EXOC1: variants seen among roughly 807,000 people sequenced by gnomAD.
EXOC1 encodes exocyst complex component 1, also known as SEC3-like 1.
EXOC1 carries 67 observed loss-of-function variants against 107.7 expected under a neutral mutation model. The observed-to-expected ratio is 0.62, with a 90% CI of 0.51 to 0.76. EXOC1 has a LOEUF of 0.76. Among genes scored for constraint, EXOC1 ranks in the 30% least tolerant of loss-of-function variants. The probability of loss-of-function intolerance (pLI) is 0.00; values close to 1 mark genes in which losing one functional copy is unlikely to be tolerated. For missense variants in EXOC1, 833 were observed against 1,055.7 expected (o/e 0.79, Z 2.92); for synonymous variants, 348 against 353.5 (o/e 0.98, Z 0.17).
At chr4:55,904,237 C>G (rs1019065330) in intron 18 of EXOC1, 106 bp from the exon 19 acceptor site, 1 of 1,128,966 alleles carries the variant, frequency 8.9e-7, no homozygotes, top group Non-Finnish European at 1.2e-6. Flanking sequence ...ATGTTCCTAG[C>G]TACTATACTA....
intron 2 of EXOC1, among the ~76,000 whole-genome samples, chr4:55,859,361 G>A (rs1163259424): frequency 6.6e-6 from 1 of 152,030 alleles, no homozygotes; most frequent in Non-Finnish European, 1.5e-5. Context: ...TTACTCCTGA[G>A]TATTGGTTTA....
At chr4:55,864,142 C>T in intron 3 of EXOC1, 85 bp from the exon 4 acceptor site, 1 of 847,846 alleles carries the variant, frequency 1.2e-6, no homozygotes. Flanking sequence ...TTTCCAAAAA[C>T]AGCGTAAATG....
At chr4:55,881,398 T>C (rs973751987) in intron 9 of EXOC1, among the ~76,000 whole-genome samples, 2 of 152,130 alleles carry the variant, frequency 1.3e-5, no homozygotes, top group Non-Finnish European at 2.9e-5. Flanking sequence ...TGTCTTATTG[T>C]TGTGAACCCC....
intron 2 of EXOC1, 75 bp from the exon 3 acceptor site, chr4:55,860,336 A>C (rs141819859): frequency 1.3e-6 from 2 of 1,577,898 alleles, no homozygotes; most frequent in African/African-American, 1.3e-5. Flanking sequence ...CCTGAAAGCT[A>C]TACTTGCAAT....
intron 3 of EXOC1, among the ~76,000 whole-genome samples, chr4:55,862,083 A>G (rs961872581): frequency 6.6e-6 from 1 of 152,202 alleles, no homozygotes; most frequent in South Asian, 2.1e-4. Context: ...AAACTTCTGT[A>G]AGTAATTTTT....
Position 55,902,449 on chromosome 4 carries a change from G to C in EXOC1, c.2443G>C (p.Glu815Gln). The change falls in exon 18 of 19, where the codon GAG (glutamate) becomes CAG (glutamine). Residue 815 changes from glutamate (E) to glutamine (Q), a missense_variant. Glu to Gln is a conservative substitution (Grantham distance 29, BLOSUM62 2). Transcript: ENST00000381295. ...ACAAGAACTTCGTAAAGTCATTAAGGAGTACCCTGGAAAGGAAGTAAAAAA... is the reference window on the plus strand; with the variant it reads ...ACAAGAACTTCGTAAAGTCATTAAGCAGTACCCTGGAAAGGAAGTAAAAAA... Reference protein sequence around the residue: ...NKQELRKVIKEYPGKEVKKGL... With the variant: ...NKQELRKVIKQYPGKEVKKGL... 6.3e-7 allele frequency: 1 copy of C among 1,587,580 alleles called. No homozygotes were observed. Among genetic ancestry groups the C allele is most frequent in the Non-Finnish European group, 8.6e-7 (1 of 1,169,522 alleles).
chr4:55,891,926 T>C (rs1215469462), intron 13 of EXOC1, among the ~76,000 whole-genome samples: 6 of 152,188 alleles, frequency 3.9e-5, no homozygotes, highest in Non-Finnish European at 5.9e-5. Context: ...TCCTCTTCTG[T>C]AAAGTAGATA....
intron 3 of EXOC1, among the ~76,000 whole-genome samples, chr4:55,861,733 T>A (rs1249759537): frequency 6.6e-6 from 1 of 152,188 alleles, no homozygotes; most frequent in Non-Finnish European, 1.5e-5. Flanking sequence ...AGCTAGAGAT[T>A]GGAAAGAAAA....
chr4:55,872,710 A>G (rs1260939165), intron 8 of EXOC1: 1 of 715,610 alleles, frequency 1.4e-6, no homozygotes, highest in Non-Finnish European at 1.7e-6. Flanking sequence ...TTCACTTTGC[A>G]ATATTCTAAA....
chr4:55,877,981 C>G lies in EXOC1; in HGVS notation c.1139C>G (p.Pro380Arg). Residue 380 changes from proline to arginine, a missense_variant, in exon 9 of 19, where the codon CCA becomes CGA. Coordinates refer to ENST00000381295, the MANE Select transcript of EXOC1 (RefSeq NM_001024924.2). ...GAACTGACTTTACCCAATCATCATC[C>G]ATTTCATAGAGATTTGCTCCGATAT... is the stretch of plus-strand genomic sequence containing the variant. ...SVELTLPNHHPFHRDLLRYAK... is the reference protein window; with the variant it reads ...SVELTLPNHHRFHRDLLRYAK... 1 of 1,613,844 alleles carries G rather than the reference C, an allele frequency of 6.2e-7. No individual in the cohort carries two copies. The highest frequency in any genetic ancestry group is 8.5e-7 in the Non-Finnish European group (1 of 1,179,898).
chr4:55,855,895 G>A (rs1720919689), intron 1 of EXOC1, among the ~76,000 whole-genome samples: 1 of 152,188 alleles, frequency 6.6e-6, no homozygotes, highest in South Asian at 2.1e-4. Context: ...AAGCCAAAAG[G>A]AGGAGAGGTT....
At chr4:55,861,648 T>C (rs531817380) in intron 3 of EXOC1, among the ~76,000 whole-genome samples, 14 of 152,376 alleles carry the variant, frequency 9.2e-5, no homozygotes, top group Admixed American at 5.2e-4. Flanking sequence ...ACTGGCCCTT[T>C]GTTTTATCCC....
At chr4:55,878,096 G>A (rs1402012077) in intron 9 of EXOC1, 30 bp downstream of exon 9, 10 of 1,601,710 alleles carry the variant, frequency 6.2e-6, no homozygotes, top group Non-Finnish European at 8.5e-6. Flanking sequence ...TACTCACTGA[G>A]AATAGAGCAT....
chr4:55,894,614 C>CA lies in EXOC1; in HGVS notation c.1953+834_1953+835insA, dbSNP rs1553880116. Among the ~76,000 whole-genome samples, 3 of 76,116 alleles carry CA rather than the reference C, an allele frequency of 3.9e-5. No individual in the cohort carries two copies. In the East Asian group the frequency reaches 1.4e-3, roughly 36 times the overall value. The allele number at this position is 76,116 out of a possible 152,430, so 49.9% of individuals were successfully genotyped here. On this transcript the variant is annotated intron_variant, in intron 15 of 18. Transcript: ENST00000381295. ...TTGACAACTTTCTTACTATCTGTTA[C>CA]TTTTTTTTTTTTTTTTTTTTTTTTT... is the stretch of plus-strand genomic sequence containing the variant.
At chr4:55,875,228 C>T (rs1371522103) in intron 8 of EXOC1, among the ~76,000 whole-genome samples, 2 of 152,164 alleles carry the variant, frequency 1.3e-5, no homozygotes, top group African/African-American at 4.8e-5. Flanking sequence ...AGACCACCAG[C>T]ATTCAATTTC....
At position 55,870,764 on chromosome 4, in the gene EXOC1, G is replaced by C. The variant is rs764903178; in HGVS notation, c.690G>C (p.Gln230His). ...LLDEALKEVD[Q>H]IELKLSSYEE... ...ATGAGGCTCTAAAGGAGGTAGATCA[G>C]ATTGAATTGAAACTGAGCAGTTATG... The change falls in exon 6 of 19, where the codon CAG becomes CAC. Residue 230 changes from glutamine to histidine, a missense_variant. By Grantham distance (24) the Gln-to-His change is conservative. This residue lies in a region of EXOC1 where 617 missense variants were observed against 701.3 expected (regional missense o/e 0.88). Transcript: ENST00000381295. 7 of 1,613,918 alleles carry C rather than the reference G, an allele frequency of 4.3e-6. No homozygotes were observed. The South Asian group carries it at 6.6e-5, about 15-fold the overall frequency.
intron 8 of EXOC1, among the ~76,000 whole-genome samples, chr4:55,875,277 C>T (rs143459447): frequency 1.5e-4 from 23 of 152,020 alleles, no homozygotes; most frequent in African/African-American, 5.6e-4. Flanking sequence ...TTTGTAAACA[C>T]GGATTGATGA....
chr4:55,877,879 T>C, intron 8 of EXOC1, 38 bp from the exon 9 acceptor site: 1 of 1,609,932 alleles, frequency 6.2e-7, no homozygotes, highest in Non-Finnish European at 8.5e-7. Context: ...TTCTTTGTAC[T>C]GTTGATTACA....
intron 8 of EXOC1, among the ~76,000 whole-genome samples, chr4:55,872,545 A>G (rs1577713716): frequency 6.6e-6 from 1 of 152,080 alleles, no homozygotes; most frequent in South Asian, 2.1e-4. Context: ...AATAAAAGCC[A>G]TTTTAATATC....
Sources: gnomAD v4.1 joint callset for allele counts (sites outside exome capture counted in the v4.1 genomes callset) on GRCh38, gnomAD v4.1.1 for gene constraint, gnomAD v4.1.1 regional missense constraint, MANE v1.5 for transcripts, NCBI Gene and HGNC (gene_info 2026-07-23, HGNC 2026-07-21) for gene names.